Variants in CANX observed in about 807,000 individuals in gnomAD.
CANX encodes epididymis secretory sperm binding protein.
In CANX, 14 loss-of-function variants were observed where a neutral mutation model predicts 75.7. The observed-to-expected ratio is 0.19, with a 90% CI of 0.12 to 0.29. The LOEUF (loss-of-function observed/expected upper bound fraction) is 0.29, where lower values mean the gene tolerates loss of function less well. Among genes scored for constraint, CANX ranks in the 10% least tolerant of loss-of-function variants. The probability of loss-of-function intolerance (pLI) is 1.00; values close to 1 mark genes in which losing one functional copy is unlikely to be tolerated. For missense variants in CANX, 567 were observed against 713.2 expected, an observed-to-expected ratio of 0.79 and a Z score of 2.34; for synonymous variants, 227 against 236.9, an observed-to-expected ratio of 0.96 and a Z score of 0.38.
chr5:179,685,444 C>T (rs991953975), intron 1 of CANX, among the ~76,000 whole-genome samples: 3 of 150,464 alleles, frequency 2.0e-5, no homozygotes, highest in Non-Finnish European at 2.9e-5. Flanking sequence ...GACGGTGTTT[C>T]TCTATGTTGG....
chr5:179,716,671 G>A (rs1777972971), intron 8 of CANX, among the ~76,000 whole-genome samples: 1 of 152,202 alleles, frequency 6.6e-6, no homozygotes. Flanking sequence ...TTAAACAACA[G>A]TCAATTCTCT....
chr5:179,715,471 G>A (rs972649492), intron 7 of CANX, among the ~76,000 whole-genome samples: 31 of 151,972 alleles, frequency 2.0e-4, no homozygotes, highest in African/African-American at 6.8e-4. Flanking sequence ...CTGGGAGGCG[G>A]GCGTTGCAGT....
At chr5:179,709,573 A>G (rs1221540487) in intron 6 of CANX, 1 of 224,978 alleles carries the variant, frequency 4.4e-6, no homozygotes, top group Non-Finnish European at 8.6e-6. Context: ...TTTTATCTGA[A>G]TTTCTGGTTT....
chr5:179,698,810 G>T, upstream of CANX: 1 of 676,566 alleles, frequency 1.5e-6, no homozygotes, highest in Non-Finnish European at 2.1e-6. Flanking sequence ...AATAGCCGTA[G>T]GGGGCGTATG....
chr5:179,703,448 G>C (rs1776907122), intron 1 of CANX, among the ~76,000 whole-genome samples: 1 of 151,080 alleles, frequency 6.6e-6, no homozygotes, highest in Non-Finnish European at 1.5e-5. Context: ...CTGAGCTCAG[G>C]CAGTCTACCA....
chr5:179,702,348 A>T (rs1157667756), intron 1 of CANX, among the ~76,000 whole-genome samples: 1 of 152,012 alleles, frequency 6.6e-6, no homozygotes, highest in Non-Finnish European at 1.5e-5. Flanking sequence ...CACGATGCCA[A>T]CCAGGAGACC....
At chr5:179,705,570 T>G in intron 1 of CANX, 109 bp from the exon 2 acceptor site, 1 of 801,346 alleles carries the variant, frequency 1.2e-6, no homozygotes, top group Non-Finnish European at 2.0e-6. Context: ...TAAGTTCTTT[T>G]TAGCTCTGCG....
intron 7 of CANX, 29 bp downstream of exon 7, chr5:179,710,094 A>G: frequency 7.9e-7 from 1 of 1,269,006 alleles, no homozygotes; most frequent in Non-Finnish European, 1.1e-6. Context: ...TTGGGGGCTT[A>G]TGGTATTACA....
intron 13 of CANX, among the ~76,000 whole-genome samples, chr5:179,725,728 G>A (rs1449178511): frequency 1.4e-5 from 2 of 147,690 alleles, no homozygotes; most frequent in Admixed American, 6.8e-5. Flanking sequence ...GGTGGCTCAC[G>A]CCTGTAATCC....
rs1349859990 is a variant in CANX, at chr5:179,730,397, A to G, written c.*1753A>G. 6.6e-6 allele frequency: 1 copy of G among 152,238 alleles called. No individual in the cohort carries two copies. Among genetic ancestry groups the G allele is most frequent in the African/African-American group, 2.4e-5 (1 of 41,452 alleles). The allele number at this position is 152,238 out of a possible 1,614,324, so 9.4% of individuals were successfully genotyped here. ...CTGTGGTCACAGTGACCTTAGCTACATAGCAGACTTTCCCAAATGTATTGA... is the reference window on the plus strand; with the variant it reads ...CTGTGGTCACAGTGACCTTAGCTACGTAGCAGACTTTCCCAAATGTATTGA... On this transcript the variant is annotated 3_prime_UTR_variant, in exon 15 of 15. Coordinates refer to ENST00000247461, the MANE Select transcript of CANX (RefSeq NM_001746.4).
chr5:179,705,762 T>A lies in CANX; in HGVS notation c.81T>A (p.Asp27Glu). The change falls in exon 2 of 15, where the codon GAT becomes GAA. Residue 27 changes from aspartate (D) to glutamate (E), a missense_variant. Coordinates refer to ENST00000247461, the MANE Select transcript of CANX (RefSeq NM_001746.4). ...AGGCTCATGATGGACATGATGATGATGTGATTGATATTGAGGATGACCTTG... is the reference window on the plus strand; with the variant it reads ...AGGCTCATGATGGACATGATGATGAAGTGATTGATATTGAGGATGACCTTG... Reference protein sequence around the residue: ...IVEAHDGHDDDVIDIEDDLDD... With the variant: ...IVEAHDGHDDEVIDIEDDLDD... 6.2e-7 allele frequency: 1 copy of A among 1,609,606 alleles called. No homozygotes were observed.
At chr5:179,724,259 TA>T (rs1778500035) in intron 12 of CANX, among the ~76,000 whole-genome samples, 1 of 151,928 alleles carries the variant, frequency 6.6e-6, no homozygotes. Context: ...CATGCTATCA[TA>T]AAAAAAGAAA....
rs183923768 is a variant in CANX at position 179,690,630 on chromosome 5, G to A, written c.-4+11853G>A. 8.4e-3 allele frequency among the ~76,000 whole-genome samples: 1,232 copies of A among 146,228 alleles called. 16 individuals carry two copies. The highest frequency in any genetic ancestry group is 0.03 in the African/African-American group (1,180 of 39,554). On this transcript the variant is annotated intron_variant, in intron 1 of 14. Transcript: ENST00000681674. ...AAAAAGGCTGGGCCCAGTGGCTCAC[G>A]CCTGTAATCCCAGCACTTTGGGAGG... is the stretch of plus-strand genomic sequence containing the variant.
chr5:179,713,142 C>T (rs904489824), intron 7 of CANX, among the ~76,000 whole-genome samples: 9 of 151,816 alleles, frequency 5.9e-5, no homozygotes, highest in Non-Finnish European at 8.8e-5. Flanking sequence ...AGTGCAGTGG[C>T]GCCATCTTGG....
At chr5:179,706,456 T>C (rs1562472697) in intron 3 of CANX, 125 bp downstream of exon 3, 1 of 525,706 alleles carries the variant, frequency 1.9e-6, no homozygotes, top group African/African-American at 2.0e-5. Context: ...TATTTATTTA[T>C]TTTTTGAGAC....
chr5:179,684,463 C>CCT (rs1776147120), intron 1 of CANX, among the ~76,000 whole-genome samples: 1 of 150,930 alleles, frequency 6.6e-6, no homozygotes, highest in Non-Finnish European at 1.5e-5. Context: ...CCTTAGCCTC[C>CCT]TGAGTAGCTG....
chr5:179,699,185 C>A, intron 1 of CANX, 83 bp downstream of exon 1: 1 of 850,418 alleles, frequency 1.2e-6, no homozygotes, highest in South Asian at 4.8e-5. Flanking sequence ...AGGGGTCGGG[C>A]GTGGCCGGCG....
intron 1 of CANX, among the ~76,000 whole-genome samples, chr5:179,687,548 T>G (rs1776212472): frequency 6.6e-6 from 1 of 152,210 alleles, no homozygotes; most frequent in Non-Finnish European, 1.5e-5. Flanking sequence ...AGAATTTGAT[T>G]GTCAGTGTTC....
intron 1 of CANX, chr5:179,678,951 C>G (rs1206650029): frequency 2.0e-6 from 3 of 1,535,474 alleles, no homozygotes; most frequent in Admixed American, 3.9e-5. Flanking sequence ...CACGGCGCGC[C>G]GTAGGCGAGG....
Sources: allele counts gnomAD v4.1 joint callset (sites outside exome capture counted in the v4.1 genomes callset), GRCh38; gene constraint gnomAD v4.1.1; transcripts MANE v1.5; gene names NCBI Gene and HGNC (gene_info 2026-07-23, HGNC 2026-07-21).